The following SYNPR variants were observed in gnomAD, a reference collection of about 807,000 sequenced individuals.
SYNPR encodes synaptoporin.
SYNPR carries 23 observed loss-of-function variants against 32.9 expected under a neutral mutation model. That is an observed-to-expected ratio of 0.70 (90% CI 0.50 to 0.99). The LOEUF (loss-of-function observed/expected upper bound fraction) is 0.99, where lower values mean the gene tolerates loss of function less well. Ranked by LOEUF, SYNPR falls within the 50% of genes least tolerant of loss-of-function variation. The pLI is 0.00. For synonymous variants in SYNPR, 146 were observed against 135.9 expected (o/e 1.07, Z -0.52); for missense variants, 318 against 349.3 (o/e 0.91, Z 0.71).
At chr3:63,342,260 T>C (rs1325430836) in intron 2 of SYNPR, among the ~76,000 whole-genome samples, 1 of 152,198 alleles carries the variant, frequency 6.6e-6, no homozygotes, top group African/African-American at 2.4e-5. Context: ...TTGATTCTTG[T>C]AGATATTGTT....
In SYNPR at chr3:63,375,714, TATA is replaced by T. The variant is rs368120344; in HGVS notation, c.84+96993_84+96995del. Among the ~76,000 whole-genome samples, 580 of 151,080 alleles carry T rather than the reference TATA, an allele frequency of 3.8e-3. 7 individuals carry two copies. The highest frequency in any genetic ancestry group is 0.012 in the South Asian group (58 of 4,790). The stretch of plus-strand genomic sequence containing the variant: ...TGCATATGTACCCTAGAACTTAAAG[TATA>T]ATAATAATAATAATAATAATTAGTA... On this transcript the variant is annotated intron_variant, in intron 2 of 5. Transcript: ENST00000478300.
intron 2 of SYNPR, among the ~76,000 whole-genome samples, chr3:63,396,615 T>A (rs903281979): frequency 3.7e-4 from 56 of 152,184 alleles, no homozygotes; most frequent in African/African-American, 1.3e-3. Context: ...TGAAAAGATG[T>A]ATGATGGAGG....
intron 3 of SYNPR, among the ~76,000 whole-genome samples, chr3:63,491,520 G>A: frequency 6.6e-6 from 1 of 152,082 alleles, no homozygotes; most frequent in East Asian, 1.9e-4. Flanking sequence ...ATGTGTATAT[G>A]CATATATATA....
chr3:63,377,627 GT>G (rs140844448), intron 2 of SYNPR, among the ~76,000 whole-genome samples: 2 of 151,266 alleles, frequency 1.3e-5, no homozygotes, highest in African/African-American at 2.4e-5. Flanking sequence ...ATACATCTTA[GT>G]TTTTTTTTAA....
At chr3:63,256,840 C>T (rs1291805959) in intron 2 of SYNPR, among the ~76,000 whole-genome samples, 1 of 152,036 alleles carries the variant, frequency 6.6e-6, no homozygotes, top group African/African-American at 2.4e-5. Flanking sequence ...AGACGAATGG[C>T]TAACTAGAAT....
chr3:63,365,051 G>A (rs17068374), intron 2 of SYNPR, among the ~76,000 whole-genome samples: 3,364 of 152,238 alleles, frequency 0.022, 129 homozygotes, highest in African/African-American at 0.076. Flanking sequence ...CACGAAAAGG[G>A]AGTGATCACT....
chr3:63,518,722 C>G (rs1426189918), intron 3 of SYNPR, among the ~76,000 whole-genome samples: 2 of 152,132 alleles, frequency 1.3e-5, no homozygotes, highest in Non-Finnish European at 1.5e-5. Context: ...GTGGACTCAG[C>G]CCACCTTCAC....
intron 2 of SYNPR, among the ~76,000 whole-genome samples, chr3:63,372,516 C>A (rs1303546608): frequency 6.6e-6 from 1 of 152,152 alleles, no homozygotes; most frequent in Non-Finnish European, 1.5e-5. Context: ...AGGAGAGAGG[C>A]CAGTCTGTTT....
chr3:63,549,440 T>G (rs1361166655), intron 3 of SYNPR, among the ~76,000 whole-genome samples: 2 of 152,190 alleles, frequency 1.3e-5, no homozygotes, highest in East Asian at 3.9e-4. Flanking sequence ...CTTCTTACAT[T>G]CCTGACTCAT....
At chr3:63,203,161 G>A in the SYNPR span, 1 of 148,328 alleles carries the variant, frequency 6.7e-6, no homozygotes. Context: ...AGTGTTGGGG[G>A]TGAGGATGTG....
intron 2 of SYNPR, among the ~76,000 whole-genome samples, chr3:63,451,520 A>G (rs1314936671): frequency 6.6e-6 from 1 of 152,024 alleles, no homozygotes; most frequent in Non-Finnish European, 1.5e-5. Context: ...GTGCCCCTGA[A>G]TTTTCCTTTC....
chr3:63,352,380 T>A (rs150248054), intron 2 of SYNPR, among the ~76,000 whole-genome samples: 163 of 152,248 alleles, frequency 1.1e-3, no homozygotes, highest in African/African-American at 3.9e-3. Context: ...TAGAGGCCTA[T>A]AGTGAGGACT....
At chr3:63,583,465 G>A (rs185239855) in intron 4 of SYNPR, among the ~76,000 whole-genome samples, 2 of 152,148 alleles carry the variant, frequency 1.3e-5, no homozygotes, top group African/African-American at 4.8e-5. Context: ...GGGTAGAGGC[G>A]ATGTTTCTCA....
At chr3:63,425,715 C>G (rs1348070431) in intron 2 of SYNPR, among the ~76,000 whole-genome samples, 1 of 150,938 alleles carries the variant, frequency 6.6e-6, no homozygotes, top group African/African-American at 2.4e-5. Context: ...ATATGTGAAA[C>G]AGGGATAAAA....
At chr3:63,452,069 A>G (rs1559503286) in intron 2 of SYNPR, 1 of 702,218 alleles carries the variant, frequency 1.4e-6, no homozygotes, top group African/African-American at 1.7e-5. Flanking sequence ...CTTCACACTC[A>G]AAGAAAGGGT....
chr3:63,319,548 C>A (rs1390867702), intron 2 of SYNPR, among the ~76,000 whole-genome samples: 2 of 151,782 alleles, frequency 1.3e-5, no homozygotes, highest in Non-Finnish European at 2.9e-5. Flanking sequence ...GATAAACTAC[C>A]TAGGAATAAA....
At chr3:63,530,634 C>G (rs1446573128) in intron 3 of SYNPR, among the ~76,000 whole-genome samples, 1 of 152,158 alleles carries the variant, frequency 6.6e-6, no homozygotes, top group African/African-American at 2.4e-5. Context: ...ACATACACAT[C>G]TCACAGGAAC....
chr3:63,403,020 A>G (rs2088312652), intron 2 of SYNPR, among the ~76,000 whole-genome samples: 1 of 152,186 alleles, frequency 6.6e-6, no homozygotes, highest in African/African-American at 2.4e-5. Flanking sequence ...AGGAGAAGAG[A>G]CCATACAGTA....
rs137954923 is a variant in SYNPR, at chr3:63,578,835, C to T, written c.408+22094C>T. Among the ~76,000 whole-genome samples the T allele has an allele frequency of 3.9e-5, 6 of 152,232 alleles. No homozygotes were observed. In the South Asian group the frequency reaches 6.2e-4, roughly 16 times the overall value. The stretch of plus-strand genomic sequence containing the variant: ...TGTAGAGTTCAGCAAGGCAGATACA[C>T]CCAGCCAATATGCTCAACTGGTAGA... On this transcript the variant is annotated intron_variant, in intron 4 of 5. Coordinates refer to ENST00000478300, the MANE Select transcript of SYNPR (RefSeq NM_001130003.2).
Sources: allele counts gnomAD v4.1 joint callset (sites outside exome capture counted in the v4.1 genomes callset), GRCh38; gene constraint gnomAD v4.1.1; transcripts MANE v1.5; gene names NCBI Gene and HGNC (gene_info 2026-07-23, HGNC 2026-07-21).